The following CACNA1A variants were observed in gnomAD, a reference collection of about 807,000 sequenced individuals.
CACNA1A encodes the protein voltage-dependent P/Q-type calcium channel subunit alpha-1A.
CACNA1A carries 57 observed loss-of-function variants against 262.4 expected under a neutral mutation model. The observed-to-expected ratio is 0.22, with a 90% CI of 0.18 to 0.27. CACNA1A has a LOEUF of 0.27. CACNA1A is among the 10% of genes least tolerant of loss of function. The pLI, the probability that CACNA1A is intolerant of heterozygous loss-of-function variation, is 1.00. For missense variants in CACNA1A, 2,526 were observed against 3,562.8 expected, an observed-to-expected ratio of 0.71 and a Z score of 7.41; for synonymous variants, 1,431 against 1,419.3, an observed-to-expected ratio of 1.01 and a Z score of -0.18.
chr19:13,432,153 G>A (rs1397156319), intron 3 of CACNA1A, among the ~76,000 whole-genome samples: 3 of 147,602 alleles, frequency 2.0e-5, no homozygotes, highest in African/African-American at 7.6e-5. Context: ...GTGGCTCAAC[G>A]CTTGTAATCT....
At position 13,212,694 on chromosome 19, in the gene CACNA1A, G is replaced by T; in HGVS notation, c.5987C>A (p.Thr1996Lys). 1 of 1,510,744 alleles carries T rather than the reference G, an allele frequency of 6.6e-7. No homozygotes were observed. Among genetic ancestry groups the T allele is most frequent in the Non-Finnish European group, 8.8e-7 (1 of 1,130,480 alleles). 93.6% of individuals were successfully genotyped at this position (1,510,744 alleles called of 1,614,324 possible). Residue 1996 changes from threonine to lysine, a missense_variant, in exon 41 of 47, where the codon ACG becomes AAG. This residue lies in a region of CACNA1A where 929 missense variants were observed against 868.1 expected (regional missense o/e 1.07). Coordinates refer to ENST00000360228, the MANE Select transcript of CACNA1A (RefSeq NM_001127222.2). This position sits in a 1 kb window ranked among gnomAD's most constrained non-coding sequence, Gnocchi z 5.6. Reference protein sequence around the residue: ...MFQRMEPPSPTQEGGPGQNAL... With the variant: ...MFQRMEPPSPKQEGGPGQNAL... ...GTTCTGGCCAGGTCCCCCTTCCTGC[G>T]TTGGGGACGGGGGCTCCATGCGCTG...
intron 10 of CACNA1A, among the ~76,000 whole-genome samples, chr19:13,322,425 C>A (rs973012144): frequency 7.2e-5 from 11 of 152,016 alleles, no homozygotes; most frequent in Non-Finnish European, 1.6e-4. Context: ...GACTTCTGGC[C>A]TCTAGAACTG....
At chr19:13,368,402 G>A (rs920313421) in intron 4 of CACNA1A, among the ~76,000 whole-genome samples, 2 of 150,890 alleles carry the variant, frequency 1.3e-5, no homozygotes, top group South Asian at 2.1e-4. Context: ...GCATGATCAC[G>A]GCTCACTGCA....
intron 31 of CACNA1A, among the ~76,000 whole-genome samples, chr19:13,239,987 C>T (rs939748126): frequency 4.6e-5 from 7 of 151,920 alleles, no homozygotes; most frequent in African/African-American, 1.4e-4. Flanking sequence ...CCTGTCTCTA[C>T]TAAAAATACA....
intron 1 of CACNA1A, among the ~76,000 whole-genome samples, chr19:13,485,527 T>A (rs559393148): frequency 1.7e-4 from 26 of 151,348 alleles, no homozygotes; most frequent in African/African-American, 3.9e-4. Context: ...AAATCAATAT[T>A]TTTTTTTTAA....
intron 3 of CACNA1A, among the ~76,000 whole-genome samples, chr19:13,441,664 G>A (rs544342964): frequency 7.7e-6 from 1 of 130,520 alleles, no homozygotes; most frequent in South Asian, 2.5e-4. Context: ...ACCCTGTCTC[G>A]AGGAAAAAAA....
chr19:13,398,721 A>G (rs1316519377), intron 3 of CACNA1A, among the ~76,000 whole-genome samples: 1 of 152,242 alleles, frequency 6.6e-6, no homozygotes, highest in Non-Finnish European at 1.5e-5. Flanking sequence ...GGAGAATTAT[A>G]TAAAAGCTCT....
intron 23 of CACNA1A, among the ~76,000 whole-genome samples, chr19:13,276,694 GCTC>G (rs1450591813): frequency 8.8e-6 from 1 of 114,022 alleles, no homozygotes; most frequent in Non-Finnish European, 1.8e-5. Context: ...TGGAATCCCA[GCTC>G]TTTTTTTTTT....
chr19:13,504,769 G>A (rs1982814577), intron 1 of CACNA1A, among the ~76,000 whole-genome samples: 1 of 152,126 alleles, frequency 6.6e-6, no homozygotes, highest in Non-Finnish European at 1.5e-5. Context: ...CCTGGAATCT[G>A]GGTCATGCTT....
intron 3 of CACNA1A, among the ~76,000 whole-genome samples, chr19:13,387,867 A>T (rs887573777): frequency 6.6e-6 from 1 of 152,178 alleles, no homozygotes; most frequent in African/African-American, 2.4e-5. Flanking sequence ...AAACAAAATT[A>T]AAAAGATGAC....
Position 13,214,374 on chromosome 19 carries a change from C to T in CACNA1A, c.5840-41G>A. On this transcript the variant is annotated intron_variant, in intron 39 of 46. Coordinates refer to ENST00000360228, the MANE Select transcript of CACNA1A (RefSeq NM_001127222.2). The surrounding 1 kb of genome is among the most constrained non-coding windows in gnomAD (Gnocchi z 4.1). ...CGGTGAGCTCACCAAGGGCAGGCCT[C>T]TTTGGGGCCCTTGTCCTGGGTCCCT... 1 of 1,596,448 alleles carries T rather than the reference C, an allele frequency of 6.3e-7. No individual in the cohort carries two copies. The highest frequency in any genetic ancestry group is 8.6e-7 in the Non-Finnish European group (1 of 1,166,512).
intron 46 of CACNA1A, 22 bp downstream of exon 46, chr19:13,208,734 G>T: frequency 6.4e-7 from 1 of 1,561,524 alleles, no homozygotes; most frequent in East Asian, 2.3e-5. Flanking sequence ...CCCAGCCTGG[G>T]GTCACTTGCA....
chr19:13,230,833 G>A (rs993364430), intron 35 of CACNA1A, among the ~76,000 whole-genome samples: 1 of 151,386 alleles, frequency 6.6e-6, no homozygotes, highest in Non-Finnish European at 1.5e-5. Context: ...GAGAGAGAGA[G>A]ACAAAGACCA....
Position 13,365,481 on chromosome 19 carries a change from C to G in CACNA1A, c.632-12G>C, listed in dbSNP as rs1555774876. On this transcript the variant is annotated splice_polypyrimidine_tract_variant and intron_variant, in intron 4 of 46. Coordinates refer to ENST00000360228, the MANE Select transcript of CACNA1A (RefSeq NM_001127222.2). ...GACGACTTGTAAACCTGGGGGGACA[C>G]AGAGAGAGGCCCCATAAGCCCATGA... The G allele has an allele frequency of 5.0e-6, 8 of 1,612,502 alleles. No homozygotes were observed. The highest frequency in any genetic ancestry group is 6.8e-6 in the Non-Finnish European group (8 of 1,179,080).
chr19:13,235,390 G>C (rs1277116613), intron 32 of CACNA1A, 116 bp from the exon 33 acceptor site: 19 of 1,035,080 alleles, frequency 1.8e-5, no homozygotes, highest in Non-Finnish European at 2.5e-5. Flanking sequence ...CCACGTGCCA[G>C]AGTCCTTCCA....
intron 1 of CACNA1A, among the ~76,000 whole-genome samples, chr19:13,487,077 C>T (rs1980100603): frequency 6.6e-6 from 1 of 152,176 alleles, no homozygotes; most frequent in Non-Finnish European, 1.5e-5. Context: ...GCGCCTCATC[C>T]CAGCTCCAGC....
intron 3 of CACNA1A, among the ~76,000 whole-genome samples, chr19:13,390,810 T>C (rs754332048): frequency 6.6e-6 from 1 of 151,800 alleles, no homozygotes; most frequent in Non-Finnish European, 1.5e-5. Flanking sequence ...CTCAGAGAGG[T>C]TGATAACTCA....
intron 1 of CACNA1A, among the ~76,000 whole-genome samples, chr19:13,502,531 C>T (rs1982512687): frequency 6.6e-6 from 1 of 152,096 alleles, no homozygotes; most frequent in African/African-American, 2.4e-5. Flanking sequence ...AGCTCTTCGG[C>T]AATCATCAGA....
At chr19:13,441,684 AAG>A (rs930006832) in intron 3 of CACNA1A, among the ~76,000 whole-genome samples, 3 of 151,486 alleles carry the variant, frequency 2.0e-5, no homozygotes, top group African/African-American at 4.9e-5. Context: ...AAAAAAAAAA[AAG>A]AGTCTCGGTT....
Sources: gnomAD v4.1 joint callset for allele counts (sites outside exome capture counted in the v4.1 genomes callset) on GRCh38, gnomAD v4.1.1 for gene constraint, gnomAD v4.1.1 regional missense constraint, Gnocchi (gnomAD v3.1) non-coding constraint, MANE v1.5 for transcripts, NCBI Gene and HGNC (gene_info 2026-07-23, HGNC 2026-07-21) for gene names.